The following GALNT9 variants were observed in gnomAD, a reference collection of about 807,000 sequenced individuals.
GALNT9 encodes the protein GalNAc transferase 9.
In GALNT9, 47 loss-of-function variants were observed where a neutral mutation model predicts 63.1. That is an observed-to-expected ratio of 0.75 (90% CI 0.59 to 0.95). The LOEUF is 0.95. GALNT9 is among the 40% of genes least tolerant of loss of function. The pLI, the probability that GALNT9 is intolerant of heterozygous loss-of-function variation, is 0.00. For synonymous variants in GALNT9, 396 were observed against 365.7 expected, an observed-to-expected ratio of 1.08 and a Z score of -0.94; for missense variants, 829 against 874.8, an observed-to-expected ratio of 0.95 and a Z score of 0.66.
In GALNT9 at chr12:132,197,750, GCCCCGCCCCAACCCCACGGCCCCCCTT is replaced by G; in HGVS notation, c.1665+15_1665+41del. Reference sequence around the variant, plus strand: ...GGCACCCAGGGGTCCCAGCAGCCCTGCCCCGCCCCAACCCCACGGCCCCCCTTCCCCAGAGGCTGACCTGGGTGAAGT... The same window carrying G: ...GGCACCCAGGGGTCCCAGCAGCCCTGCCCCAGAGGCTGACCTGGGTGAAGT... On this transcript the variant is annotated intron_variant, in intron 10 of 10. Transcript: ENST00000328957. 7.9e-7 allele frequency: 1 copy of G among 1,266,532 alleles called. No individual in the cohort carries two copies. Among genetic ancestry groups the G allele is most frequent in the Non-Finnish European group, 1.1e-6 (1 of 920,900 alleles). The allele number at this position is 1,266,532 out of a possible 1,614,324, so 78.5% of individuals were successfully genotyped here.
At position 132,260,938 on chromosome 12, in the gene GALNT9, C is replaced by T. The variant is rs781850100; in HGVS notation, c.761+10G>A. Reference sequence around the variant, plus strand: ...CTGAGACTGGCTGTCCAGCCTGTTCCGGCCCTTACCAGCCCGTGTTGAACT... The same window carrying T: ...CTGAGACTGGCTGTCCAGCCTGTTCTGGCCCTTACCAGCCCGTGTTGAACT... On this transcript the variant is annotated intron_variant, in intron 4 of 10. Transcript: ENST00000328957. 2.9e-5 allele frequency: 44 copies of T among 1,531,328 alleles called. No individual in the cohort carries two copies. Among genetic ancestry groups the T allele is most frequent in the Admixed American group, 2.2e-4 (10 of 46,400 alleles). 94.9% of individuals were successfully genotyped at this position (1,531,328 alleles called of 1,614,324 possible). A position where few individuals can be genotyped will look rare whatever the true frequency, so the allele number is the denominator to read the frequency against.
At position 132,286,169 on chromosome 12, in the gene GALNT9, G is replaced by A; in HGVS notation, c.419+81C>T. On this transcript the variant is annotated intron_variant, in intron 2 of 10. Coordinates refer to ENST00000328957, the MANE Select transcript of GALNT9 (RefSeq NM_001122636.2). This position sits in a 1 kb window ranked among gnomAD's most constrained non-coding sequence, Gnocchi z 7.4. ...GCTCACTTCCCCGGCCGGCGTGGGG[G>A]GCAGTCACTTCCCTGGCCAGTGTGG... 1 of 1,405,826 alleles carries A rather than the reference G, an allele frequency of 7.1e-7. No individual in the cohort carries two copies. The highest frequency in any genetic ancestry group is 1.5e-5 in the South Asian group (1 of 66,092). 87.1% of individuals were successfully genotyped at this position (1,405,826 alleles called of 1,614,324 possible). A position where few individuals can be genotyped will look rare whatever the true frequency, so the allele number is the denominator to read the frequency against.
At chr12:132,303,693 A>G (rs1224544155) in intron 1 of GALNT9, among the ~76,000 whole-genome samples, 16 of 67,168 alleles carry the variant, frequency 2.4e-4, no homozygotes, top group East Asian at 8.3e-4. Flanking sequence ...ACCCGGGCAC[A>G]CCCTCACCGG....
chr12:132,197,706 G>A (rs1164314291), intron 10 of GALNT9, 86 bp downstream of exon 10: 15 of 1,039,178 alleles, frequency 1.4e-5, no homozygotes, highest in Non-Finnish European at 1.8e-5. Flanking sequence ...CCACCCAATG[G>A]GCTGGCTCTA....
At chr12:132,207,290 G>C (rs1365872759) in intron 6 of GALNT9, among the ~76,000 whole-genome samples, 1 of 152,206 alleles carries the variant, frequency 6.6e-6, no homozygotes, top group Non-Finnish European at 1.5e-5. Context: ...TCTGCTCACA[G>C]CTGCCTCCCA....
chr12:132,238,397 C>A lies in GALNT9; in HGVS notation c.1077+9513G>T, dbSNP rs1878084087. Among the ~76,000 whole-genome samples the A allele has an allele frequency of 6.6e-6, 1 of 152,180 alleles. No homozygotes were observed. The highest frequency in any genetic ancestry group is 1.5e-5 in the Non-Finnish European group (1 of 68,004). On this transcript the variant is annotated intron_variant, in intron 6 of 10. Transcript: ENST00000328957. The surrounding 1 kb of genome is among the most constrained non-coding windows in gnomAD (Gnocchi z 6.5). ...ACGTGGAGACGGCGCACTCATAACC[C>A]TACTACGGCTTCCTGTAAGGGGGAG... is the stretch of plus-strand genomic sequence containing the variant.
intron 8 of GALNT9, among the ~76,000 whole-genome samples, chr12:132,199,707 C>T (rs1392219830): frequency 1.3e-5 from 2 of 152,180 alleles, no homozygotes; most frequent in Non-Finnish European, 2.9e-5. Context: ...CCCTGACAGC[C>T]CTCTGAGAAC....
chr12:132,289,118 T>A (rs1880714961), intron 1 of GALNT9, among the ~76,000 whole-genome samples: 1 of 152,238 alleles, frequency 6.6e-6, no homozygotes. Context: ...CAATCCACAC[T>A]CATGCCAACG....
intron 2 of GALNT9, among the ~76,000 whole-genome samples, chr12:132,271,637 C>T (rs73168807): frequency 0.018 from 2,719 of 152,248 alleles, 72 homozygotes; most frequent in African/African-American, 0.058. Context: ...ACACAAACGG[C>T]GTTGGGGCAG....
At chr12:132,218,560 G>C (rs532334189) in intron 6 of GALNT9, among the ~76,000 whole-genome samples, 1 of 152,220 alleles carries the variant, frequency 6.6e-6, no homozygotes, top group Admixed American at 6.5e-5. Flanking sequence ...GGTCGGTTTC[G>C]GGAAATGATA....
chr12:132,269,326 C>G (rs1255297126), intron 2 of GALNT9, among the ~76,000 whole-genome samples: 1 of 152,356 alleles, frequency 6.6e-6, no homozygotes, highest in East Asian at 1.9e-4. Context: ...CCATGCCCCC[C>G]GCGGGAGAAG....
At chr12:132,202,098 A>G (rs77311602) in intron 7 of GALNT9, among the ~76,000 whole-genome samples, 1 of 152,218 alleles carries the variant, frequency 6.6e-6, no homozygotes, top group East Asian at 1.9e-4. Context: ...TGCCTCAGTT[A>G]CTCATTGGTA....
At chr12:132,289,481 A>G (rs1880727364) in intron 1 of GALNT9, among the ~76,000 whole-genome samples, 1 of 152,212 alleles carries the variant, frequency 6.6e-6, no homozygotes, top group South Asian at 2.1e-4. Flanking sequence ...AATCCCTGGA[A>G]CCGGTGAGTG....
chr12:132,207,254 C>T (rs1017048849), intron 6 of GALNT9, among the ~76,000 whole-genome samples: 18 of 152,202 alleles, frequency 1.2e-4, no homozygotes, highest in African/African-American at 2.9e-4. Flanking sequence ...CATGGCTCAG[C>T]TCCGCAGGAC....
At chr12:132,263,357 T>C (rs1229937998) in intron 2 of GALNT9, among the ~76,000 whole-genome samples, 1 of 152,210 alleles carries the variant, frequency 6.6e-6, no homozygotes, top group Non-Finnish European at 1.5e-5. Flanking sequence ...AAAGCTTGGA[T>C]TGCACAGTTT....
At chr12:132,225,834 ACCACACAAC>A (rs1877652661) in intron 6 of GALNT9, among the ~76,000 whole-genome samples, 1 of 114,952 alleles carries the variant, frequency 8.7e-6, no homozygotes. Flanking sequence ...CCTCACACAC[ACCACACAAC>A]CCACACCCCA....
In GALNT9 at chr12:132,267,975, CCACATGAACTCACA is replaced by C. The variant is rs1309194542; in HGVS notation, c.420-5364_420-5351del. Among the ~76,000 whole-genome samples the C allele has an allele frequency of 4.0e-3, 587 of 145,164 alleles. 5 individuals are homozygous for C. Among genetic ancestry groups the C allele is most frequent in the African/African-American group, 0.015 (557 of 38,238 alleles). Reference sequence around the variant, plus strand: ...TACAGTCACACACATGCACACAAACCCACATGAACTCACACACATGCACACACACAGGCAGATAC... The same window carrying C: ...TACAGTCACACACATGCACACAAACCCACATGCACACACACAGGCAGATAC... On this transcript the variant is annotated intron_variant, in intron 2 of 10. Coordinates refer to ENST00000328957, the MANE Select transcript of GALNT9 (RefSeq NM_001122636.2).
chr12:132,216,355 A>G (rs1427257839), intron 6 of GALNT9, among the ~76,000 whole-genome samples: 1 of 152,230 alleles, frequency 6.6e-6, no homozygotes, highest in African/African-American at 2.4e-5. Flanking sequence ...TCACACAGGG[A>G]GAACAATGTG....
Position 132,288,210 on chromosome 12 carries a change from C to G in GALNT9, c.239-1780G>C, listed in dbSNP as rs182555406. On this transcript the variant is annotated intron_variant, in intron 1 of 10. Transcript: ENST00000328957. ...TTCCAGTCTGTGACCCTCCGCCCCC[C>G]ACAGGGCAGTGAGTGGCTTTCTCCC... 2.5e-3 allele frequency among the ~76,000 whole-genome samples: 386 copies of G among 152,294 alleles called. 2 individuals carry two copies. The highest frequency in any genetic ancestry group is 8.6e-3 in the African/African-American group (356 of 41,562).
Sources: gnomAD v4.1 joint callset for allele counts (sites outside exome capture counted in the v4.1 genomes callset) on GRCh38, gnomAD v4.1.1 for gene constraint, Gnocchi (gnomAD v3.1) non-coding constraint, MANE v1.5 for transcripts, NCBI Gene and HGNC (gene_info 2026-07-23, HGNC 2026-07-21) for gene names.